SLC35F4: variants seen among roughly 807,000 people sequenced by gnomAD.
SLC35F4 encodes solute carrier family 35 member F4.
In SLC35F4, 24 loss-of-function variants were observed where a neutral mutation model predicts 44.2. The observed-to-expected ratio is 0.54, with a 90% CI of 0.39 to 0.76. The LOEUF (loss-of-function observed/expected upper bound fraction) is 0.76, where lower values mean the gene tolerates loss of function less well. Among genes scored for constraint, SLC35F4 ranks in the 30% least tolerant of loss-of-function variants. The pLI, the probability that SLC35F4 is intolerant of heterozygous loss-of-function variation, is 0.00. For synonymous variants in SLC35F4, 238 were observed against 223.6 expected (o/e 1.06, Z -0.57); for missense variants, 562 against 586.1 (o/e 0.96, Z 0.42).
intron 6 of SLC35F4, among the ~76,000 whole-genome samples, chr14:57,566,771 A>C (rs554160573): frequency 8.1e-4 from 124 of 152,344 alleles, no homozygotes; most frequent in African/African-American, 2.4e-3. Flanking sequence ...TCTTTACCTG[A>C]ATCTTGCCAA....
intron 1 of SLC35F4, among the ~76,000 whole-genome samples, chr14:57,827,330 A>T (rs991694368): frequency 1.3e-5 from 2 of 152,060 alleles, no homozygotes; most frequent in South Asian, 4.1e-4. Context: ...GGGGAACAAC[A>T]CACACTAGGA....
intron 1 of SLC35F4, among the ~76,000 whole-genome samples, chr14:57,859,382 A>G (rs1887480298): frequency 6.6e-6 from 1 of 152,198 alleles, no homozygotes; most frequent in African/African-American, 2.4e-5. Flanking sequence ...CAAAATGTTA[A>G]CACTAATCAT....
At chr14:57,709,567 T>C (rs2140396293) in intron 1 of SLC35F4, among the ~76,000 whole-genome samples, 1 of 152,332 alleles carries the variant, frequency 6.6e-6, no homozygotes, top group Non-Finnish European at 1.5e-5. Context: ...GAACAGCTCA[T>C]GCCCTCGGTC....
chr14:57,653,081 A>C (rs1238474906), intron 1 of SLC35F4, among the ~76,000 whole-genome samples: 3 of 152,052 alleles, frequency 2.0e-5, no homozygotes, highest in Admixed American at 1.3e-4. Flanking sequence ...GTATTAAAAA[A>C]CCTCAGGTAC....
intron 1 of SLC35F4, among the ~76,000 whole-genome samples, chr14:57,746,204 G>A (rs1301993536): frequency 6.6e-6 from 1 of 151,876 alleles, no homozygotes; most frequent in Non-Finnish European, 1.5e-5. Flanking sequence ...TGCACGTTGT[G>A]CACAGGTACC....
chr14:57,872,143 A>G (rs768637460), intron 1 of SLC35F4, among the ~76,000 whole-genome samples: 36 of 152,226 alleles, frequency 2.4e-4, no homozygotes, highest in Non-Finnish European at 4.6e-4. Context: ...ATACATCCAC[A>G]TCTTGAATGA....
At chr14:57,643,147 G>GAA (rs548145254) in intron 1 of SLC35F4, among the ~76,000 whole-genome samples, 1 of 145,800 alleles carries the variant, frequency 6.9e-6, no homozygotes, top group African/African-American at 2.5e-5. Flanking sequence ...ACCACCTTCA[G>GAA]AAAAAAAAAA....
Position 57,865,834 on chromosome 14 carries a change from C to T in SLC35F4, c.-9G>A. On this transcript the variant is annotated 5_prime_UTR_variant, in exon 1 of 8. Coordinates refer to ENST00000556826, the MANE Select transcript of SLC35F4 (RefSeq NM_001306087.2). ...GCCGCCTTGACATCCATAGAGAGCGCGGGGCGACGGCCCCGAGTGCGGCGG... is the reference window on the plus strand; with the variant it reads ...GCCGCCTTGACATCCATAGAGAGCGTGGGGCGACGGCCCCGAGTGCGGCGG... 1 of 1,497,376 alleles carries T rather than the reference C, an allele frequency of 6.7e-7. No homozygotes were observed. Among genetic ancestry groups the T allele is most frequent in the South Asian group, 1.3e-5 (1 of 79,876 alleles). The allele number at this position is 1,497,376 out of a possible 1,614,324, so 92.8% of individuals were successfully genotyped here. A position where few individuals can be genotyped will look rare whatever the true frequency, so the allele number is the denominator to read the frequency against.
intron 1 of SLC35F4, among the ~76,000 whole-genome samples, chr14:57,943,740 CG>C (rs1889957740): frequency 6.6e-6 from 1 of 152,186 alleles, no homozygotes; most frequent in Non-Finnish European, 1.5e-5. Context: ...TTCAGTTAAC[CG>C]CCAGTGCTGG....
At chr14:57,855,001 T>C (rs1886946719) in intron 1 of SLC35F4, among the ~76,000 whole-genome samples, 1 of 152,176 alleles carries the variant, frequency 6.6e-6, no homozygotes, top group Non-Finnish European at 1.5e-5. Flanking sequence ...AAATAAATGG[T>C]AAGCCATTTA....
chr14:57,696,193 G>A (rs7145528), intron 1 of SLC35F4, among the ~76,000 whole-genome samples: 67,623 of 151,956 alleles, frequency 0.45, 15,300 homozygotes, highest in African/African-American at 0.53. Flanking sequence ...CTGACAAAGG[G>A]CTAGTATCCA....
intron 1 of SLC35F4, among the ~76,000 whole-genome samples, chr14:57,619,775 A>G (rs1462041347): frequency 6.6e-6 from 1 of 152,174 alleles, no homozygotes; most frequent in East Asian, 1.9e-4. Flanking sequence ...AATGAAATGC[A>G]AGGAAGCTAA....
At chr14:57,629,807 C>G (rs928807343) in intron 1 of SLC35F4, 12 of 333,110 alleles carry the variant, frequency 3.6e-5, no homozygotes, top group Non-Finnish European at 7.1e-5. Context: ...AACTGCATGA[C>G]TGTAGACGAG....
At chr14:57,732,962 G>T (rs913317478) in intron 1 of SLC35F4, among the ~76,000 whole-genome samples, 3 of 152,020 alleles carry the variant, frequency 2.0e-5, no homozygotes, top group Admixed American at 6.6e-5. Flanking sequence ...TTGAAGAAAA[G>T]GATATGAATT....
At chr14:57,957,530 C>G (rs998740199) in intron 1 of SLC35F4, among the ~76,000 whole-genome samples, 1 of 152,054 alleles carries the variant, frequency 6.6e-6, no homozygotes, top group Non-Finnish European at 1.5e-5. Context: ...TCAATACTCA[C>G]GGCACTTTCT....
At chr14:57,961,234 A>G (rs1019250079) in intron 1 of SLC35F4, among the ~76,000 whole-genome samples, 2 of 152,072 alleles carry the variant, frequency 1.3e-5, no homozygotes, top group Admixed American at 6.6e-5. Context: ...GGGACCAAAT[A>G]CCATCTCTTG....
chr14:57,630,165 G>C, intron 1 of SLC35F4: 1 of 559,036 alleles, frequency 1.8e-6, no homozygotes, highest in South Asian at 1.4e-5. Flanking sequence ...TGCCTAGGGG[G>C]ATCAGAAGAC....
At chr14:57,966,519 G>A (rs1044008018) in intron 1 of SLC35F4, among the ~76,000 whole-genome samples, 14 of 152,100 alleles carry the variant, frequency 9.2e-5, no homozygotes, top group African/African-American at 3.4e-4. Context: ...TTCTGGTTGT[G>A]AATAAATACA....
chr14:57,680,738 G>C (rs1410370157), intron 1 of SLC35F4, among the ~76,000 whole-genome samples: 3 of 152,022 alleles, frequency 2.0e-5, no homozygotes, highest in African/African-American at 7.3e-5. Flanking sequence ...GACAAACAGA[G>C]AGCCAAATCT....
Sources: allele counts gnomAD v4.1 joint callset (sites outside exome capture counted in the v4.1 genomes callset), GRCh38; gene constraint gnomAD v4.1.1; transcripts MANE v1.5; gene names NCBI Gene and HGNC (gene_info 2026-07-23, HGNC 2026-07-21).